KIAA0319: variants seen among roughly 807,000 people sequenced by gnomAD.
The protein encoded by KIAA0319 is KIAA0319.
In KIAA0319, 83 loss-of-function variants were observed where a neutral mutation model predicts 108.4. The ratio of observed to expected loss-of-function variants is 0.77; its 90% CI spans 0.64 to 0.92. KIAA0319 has a LOEUF of 0.92. KIAA0319 is among the 40% of genes least tolerant of loss of function. KIAA0319 has a pLI of 0.00. For synonymous variants in KIAA0319, 484 were observed against 510.4 expected, an observed-to-expected ratio of 0.95 and a Z score of 0.70; for missense variants, 1,195 against 1,322.4, an observed-to-expected ratio of 0.90 and a Z score of 1.49.
chr6:24,601,384 C>T, intron 1 of KIAA0319, 176 bp from the exon 2 acceptor site: 1 of 896,424 alleles, frequency 1.1e-6, no homozygotes, highest in Non-Finnish European at 1.3e-6. Context: ...CAGTATAGTT[C>T]CTAAGAAGAG....
chr6:24,574,635 T>A (rs988276074), intron 10 of KIAA0319, among the ~76,000 whole-genome samples: 4 of 152,172 alleles, frequency 2.6e-5, no homozygotes, highest in Non-Finnish European at 5.9e-5. Context: ...TAAGTCTTAT[T>A]ACAATTTATT....
At chr6:24,627,466 C>CCTTCTTTCCTT (rs3033226) in intron 1 of KIAA0319, among the ~76,000 whole-genome samples, 2 of 151,506 alleles carry the variant, frequency 1.3e-5, no homozygotes, top group African/African-American at 4.9e-5. Flanking sequence ...TTCCTTCTTT[C>CCTTCTTTCCTT]CTTTTTTTCC....
chr6:24,596,622 TA>T lies in KIAA0319; in HGVS notation c.56-5del. 1 of 1,589,556 alleles carries T rather than the reference TA, an allele frequency of 6.3e-7. No homozygotes were observed. The highest frequency in any genetic ancestry group is 8.6e-7 in the Non-Finnish European group (1 of 1,164,192). ...CTGCACTGCTTACGGGCACAACCTT[TA>T]AACAAAGTAGTTTCTAATGAGGGAG... On this transcript the variant is annotated splice_polypyrimidine_tract_variant and splice_region_variant and intron_variant, in intron 2 of 20. Coordinates refer to ENST00000378214, the MANE Select transcript of KIAA0319 (RefSeq NM_014809.4).
At chr6:24,583,494 A>G (rs1766943597) in intron 5 of KIAA0319, 110 bp downstream of exon 5, 1 of 744,522 alleles carries the variant, frequency 1.3e-6, no homozygotes, top group Non-Finnish European at 2.3e-6. Flanking sequence ...TTTGTTTGTG[A>G]CGTCGTGCAA....
At chr6:24,586,266 G>A (rs1193559299) in intron 4 of KIAA0319, among the ~76,000 whole-genome samples, 1 of 152,166 alleles carries the variant, frequency 6.6e-6, no homozygotes, top group South Asian at 2.1e-4. Context: ...ATATGCCATT[G>A]CAACTATAAC....
chr6:24,550,694 G>C (rs991695811), intron 20 of KIAA0319, among the ~76,000 whole-genome samples: 1 of 152,118 alleles, frequency 6.6e-6, no homozygotes, highest in Non-Finnish European at 1.5e-5. Context: ...TTCTGTCCTA[G>C]CAGACCTAAA....
chr6:24,632,914 A>G (rs1166390589), intron 1 of KIAA0319, among the ~76,000 whole-genome samples: 1 of 152,206 alleles, frequency 6.6e-6, no homozygotes, highest in Non-Finnish European at 1.5e-5. Context: ...TAAGGGAAAC[A>G]TAATCCAGCA....
intron 1 of KIAA0319, among the ~76,000 whole-genome samples, chr6:24,601,565 T>C (rs376833261): frequency 1.3e-5 from 2 of 152,212 alleles, no homozygotes; most frequent in African/African-American, 4.8e-5. Context: ...GAAAACTTTA[T>C]AGCAGAAAAA....
intron 16 of KIAA0319, among the ~76,000 whole-genome samples, chr6:24,559,796 A>G (rs1272244791): frequency 2.0e-5 from 3 of 152,220 alleles, no homozygotes; most frequent in Non-Finnish European, 4.4e-5. Flanking sequence ...AAGTTGCACA[A>G]CCATCACCAC....
intron 7 of KIAA0319, among the ~76,000 whole-genome samples, 159 bp downstream of exon 7, chr6:24,580,767 C>T (rs778324958): frequency 3.3e-5 from 5 of 151,456 alleles, no homozygotes; most frequent in Non-Finnish European, 7.4e-5. Context: ...GAAAAAAAAA[C>T]CAAAAATATA....
intron 16 of KIAA0319, 70 bp downstream of exon 16, chr6:24,563,289 C>A: frequency 6.7e-7 from 1 of 1,485,954 alleles, no homozygotes; most frequent in African/African-American, 1.4e-5. Flanking sequence ...CAGTTTTCTA[C>A]TGGACTGGGA....
Position 24,545,595 on chromosome 6 carries a change from G to A in KIAA0319, c.*1570C>T, listed in dbSNP as rs1341305115. 1 of 152,054 alleles carries A rather than the reference G, an allele frequency of 6.6e-6. No homozygotes were observed. Among genetic ancestry groups the A allele is most frequent in the South Asian group, 2.1e-4 (1 of 4,824 alleles). The allele number at this position is 152,054 out of a possible 1,614,324, so 9.4% of individuals were successfully genotyped here. ...ATTGAATTGGCTAGTTATACAGAAA[G>A]TGTAGGCATAAGCAAAGCAATTATT... On this transcript the variant is annotated 3_prime_UTR_variant, in exon 21 of 21. Coordinates refer to ENST00000378214, the MANE Select transcript of KIAA0319 (RefSeq NM_014809.4).
chr6:24,553,036 GTAGC>G (rs1450393796), intron 19 of KIAA0319, among the ~76,000 whole-genome samples: 8 of 152,096 alleles, frequency 5.3e-5, no homozygotes, highest in Non-Finnish European at 1.0e-4. Context: ...GGCCAGTGAG[GTAGC>G]TTGAGGCTTC....
At chr6:24,568,734 C>G in intron 13 of KIAA0319, 47 bp downstream of exon 13, 2 of 1,579,946 alleles carry the variant, frequency 1.3e-6, no homozygotes, top group African/African-American at 2.7e-5. Flanking sequence ...GTCCTGCAGA[C>G]TCGAAAGCAG....
At chr6:24,577,136 T>G (rs906585023) in intron 9 of KIAA0319, among the ~76,000 whole-genome samples, 1 of 152,168 alleles carries the variant, frequency 6.6e-6, no homozygotes, top group East Asian at 1.9e-4. Flanking sequence ...TCATAACATA[T>G]TGATGTCAGA....
intron 1 of KIAA0319, among the ~76,000 whole-genome samples, chr6:24,617,583 T>C (rs898047377): frequency 7.2e-5 from 11 of 152,148 alleles, no homozygotes; most frequent in East Asian, 3.9e-4. Flanking sequence ...ATTTATACAA[T>C]AGAGAGATGT....
intron 1 of KIAA0319, among the ~76,000 whole-genome samples, chr6:24,623,971 ACATCTT>A (rs1440553363): frequency 6.6e-6 from 1 of 151,190 alleles, no homozygotes; most frequent in East Asian, 1.9e-4. Context: ...ACAATATAAT[ACATCTT>A]TAAATTCTAA....
intron 18 of KIAA0319, among the ~76,000 whole-genome samples, chr6:24,556,159 C>T (rs529884823): frequency 6.8e-6 from 1 of 148,006 alleles, no homozygotes; most frequent in Non-Finnish European, 1.5e-5. Context: ...TTCCCTCTTT[C>T]CCTCCCTTCC....
At chr6:24,589,998 G>C (rs547799737) in intron 3 of KIAA0319, among the ~76,000 whole-genome samples, 14 of 152,264 alleles carry the variant, frequency 9.2e-5, no homozygotes, top group African/African-American at 3.1e-4. Context: ...TGTGGGGCCA[G>C]GTAAGTAAAA....
Sources: gnomAD v4.1 joint callset for allele counts (sites outside exome capture counted in the v4.1 genomes callset) on GRCh38, gnomAD v4.1.1 for gene constraint, MANE v1.5 for transcripts, NCBI Gene and HGNC (gene_info 2026-07-23, HGNC 2026-07-21) for gene names.